HMGA2: variants seen among roughly 807,000 people sequenced by gnomAD.
The protein encoded by HMGA2 is high mobility group protein HMGI-C.
A neutral mutation model predicts 19.1 loss-of-function variants in HMGA2; 8 were observed. The observed-to-expected ratio is 0.42, with a 90% CI of 0.25 to 0.76. The LOEUF (loss-of-function observed/expected upper bound fraction) is 0.76. Among genes scored for constraint, HMGA2 ranks in the 30% least tolerant of loss-of-function variants. HMGA2 has a pLI of 0.28. For synonymous variants in HMGA2, 60 were observed against 48.8 expected, an observed-to-expected ratio of 1.23 and a Z score of -0.96; for missense variants, 109 against 136.3, an observed-to-expected ratio of 0.80 and a Z score of 1.00.
At chr12:65,933,933 T>C (rs976165057) in intron 3 of HMGA2, among the ~76,000 whole-genome samples, 9 of 152,178 alleles carry the variant, frequency 5.9e-5, no homozygotes, top group African/African-American at 2.2e-4. Context: ...AGAACTGCCC[T>C]GGGACAGAGT....
intron 3 of HMGA2, among the ~76,000 whole-genome samples, chr12:65,908,944 G>C (rs754095458): frequency 6.6e-6 from 1 of 152,090 alleles, no homozygotes; most frequent in Non-Finnish European, 1.5e-5. Context: ...TCTTAAAAAG[G>C]CTTACTTCTG....
chr12:65,874,450 C>G (rs757507730), intron 3 of HMGA2, among the ~76,000 whole-genome samples: 1 of 152,066 alleles, frequency 6.6e-6, no homozygotes, highest in Non-Finnish European at 1.5e-5. Flanking sequence ...TAACGAATTA[C>G]GCTCATACAA....
At chr12:65,956,467 G>C (rs1469375145) in intron 4 of HMGA2, 1 of 152,264 alleles carries the variant, frequency 6.6e-6, no homozygotes, top group South Asian at 2.1e-4. Context: ...AGGGAAATTG[G>C]AGGGCAGAGG....
chr12:65,842,792 T>C (rs912185840), intron 3 of HMGA2: 11 of 1,374,058 alleles, frequency 8.0e-6, no homozygotes, highest in African/African-American at 1.4e-5. Flanking sequence ...TATTTGCATT[T>C]TTCTATTCTT....
intron 3 of HMGA2, among the ~76,000 whole-genome samples, chr12:65,912,171 G>A (rs1259645973): frequency 6.6e-6 from 1 of 151,994 alleles, no homozygotes; most frequent in Non-Finnish European, 1.5e-5. Context: ...TGATTCTTCA[G>A]GTAAATGATA....
At chr12:65,847,900 G>C (rs1156988032) in intron 3 of HMGA2, among the ~76,000 whole-genome samples, 1 of 152,174 alleles carries the variant, frequency 6.6e-6, no homozygotes, top group Non-Finnish European at 1.5e-5. Flanking sequence ...AGTAATGAAT[G>C]TGGATTTGAA....
intron 3 of HMGA2, among the ~76,000 whole-genome samples, chr12:65,916,912 C>T (rs1405493447): frequency 1.3e-5 from 2 of 152,136 alleles, no homozygotes; most frequent in Admixed American, 6.5e-5. Context: ...TGAGGTAGCC[C>T]GCAGAGGCAC....
rs553814060 is a variant in HMGA2, at chr12:65,841,975, C to T, written c.249+3406C>T. Among the ~76,000 whole-genome samples, 4 of 151,726 alleles carry T rather than the reference C, an allele frequency of 2.6e-5. 1 individual carries two copies. Among genetic ancestry groups the T allele is most frequent in the South Asian group, 4.2e-4 (2 of 4,804 alleles). ...TGCTTAAGAACACTTCTATTGTTTA[C>T]TTTAATTCCCTTCATCTTTTTTTTT... On this transcript the variant is annotated intron_variant, in intron 3 of 4. Transcript: ENST00000403681.
chr12:65,852,217 C>T (rs1467076787), intron 3 of HMGA2, among the ~76,000 whole-genome samples: 1 of 152,154 alleles, frequency 6.6e-6, no homozygotes, highest in East Asian at 1.9e-4. Context: ...CATACACTAG[C>T]TGGATGCGGG....
chr12:65,908,915 A>G (rs1460479208), intron 3 of HMGA2, among the ~76,000 whole-genome samples: 1 of 152,154 alleles, frequency 6.6e-6, no homozygotes, highest in Non-Finnish European at 1.5e-5. Context: ...TTACCTTTAC[A>G]ACATATATCC....
chr12:65,858,276 C>T (rs962486844), intron 3 of HMGA2: 2 of 151,928 alleles, frequency 1.3e-5, no homozygotes, highest in Non-Finnish European at 2.9e-5. Flanking sequence ...TAGACTCATC[C>T]CTCAGTATTC....
At chr12:65,926,808 G>C (rs1026440695) in intron 3 of HMGA2, among the ~76,000 whole-genome samples, 2 of 152,110 alleles carry the variant, frequency 1.3e-5, no homozygotes, top group Admixed American at 6.5e-5. Flanking sequence ...ACATTCAGCT[G>C]TCTCACAACA....
chr12:65,869,775 C>T (rs772261910), intron 3 of HMGA2, among the ~76,000 whole-genome samples: 1 of 152,124 alleles, frequency 6.6e-6, no homozygotes, highest in Non-Finnish European at 1.5e-5. Context: ...CCTTTAAAAA[C>T]ATATTTTATT....
intron 3 of HMGA2, chr12:65,934,648 T>C (rs938915080): frequency 6.6e-6 from 1 of 152,210 alleles, no homozygotes; most frequent in Admixed American, 6.5e-5. Context: ...GAGGCACTTT[T>C]GTTCTGATGC....
chr12:65,929,138 C>G (rs1021438067), intron 3 of HMGA2, among the ~76,000 whole-genome samples: 35 of 152,252 alleles, frequency 2.3e-4, no homozygotes, highest in African/African-American at 7.5e-4. Flanking sequence ...CTACATTTCT[C>G]TGTTCTCAAA....
chr12:65,935,582 T>G (rs933191057), intron 3 of HMGA2, among the ~76,000 whole-genome samples: 1 of 151,980 alleles, frequency 6.6e-6, no homozygotes, highest in East Asian at 1.9e-4. Flanking sequence ...TGGAGAAAAG[T>G]GTATCTGTCA....
At position 65,824,713 on chromosome 12, in the gene HMGA2, TTCTCTCTCTCTCTCTC is replaced by T. The variant is rs60786450; in HGVS notation, c.-517_-502del. 0.03 allele frequency: 4,408 copies of T among 144,888 alleles called. 45 individuals carry two copies. Among genetic ancestry groups the T allele is most frequent in the Non-Finnish European group, 0.038 (2,839 of 75,186 alleles). 9.0% of individuals were successfully genotyped at this position (144,888 alleles called of 1,614,324 possible). A position where few individuals can be genotyped will look rare whatever the true frequency, so the allele number is the denominator to read the frequency against. ...CCAAGGCACTTTCAATCTCAATCTC[TTCTCTCTCTCTCTCTC>T]TCTCTCTCTCTCTCTCTCTCTCTCT... On this transcript the variant is annotated 5_prime_UTR_variant, in exon 1 of 5. Coordinates refer to ENST00000403681, the MANE Select transcript of HMGA2 (RefSeq NM_003483.6).
intron 4 of HMGA2, among the ~76,000 whole-genome samples, chr12:65,959,562 T>G (rs2121326833): frequency 6.6e-6 from 1 of 152,318 alleles, no homozygotes; most frequent in South Asian, 2.1e-4. Context: ...TTTAGAGGCC[T>G]TAGTGGCTGG....
At chr12:65,830,427 A>G (rs1012116389) in intron 2 of HMGA2, among the ~76,000 whole-genome samples, 5 of 151,986 alleles carry the variant, frequency 3.3e-5, no homozygotes, top group African/African-American at 1.2e-4. Context: ...ATACCCTGTG[A>G]GACTGACCAG....
Sources: allele counts gnomAD v4.1 joint callset (sites outside exome capture counted in the v4.1 genomes callset), GRCh38; gene constraint gnomAD v4.1.1; transcripts MANE v1.5; gene names NCBI Gene and HGNC (gene_info 2026-07-23, HGNC 2026-07-21).